The following CPPED1 variants were observed in gnomAD, a reference collection of about 807,000 sequenced individuals.
CPPED1 encodes the protein serine/threonine-protein phosphatase CPPED1.
A neutral mutation model predicts 28.0 loss-of-function variants in CPPED1; 28 were observed. The ratio of observed to expected loss-of-function variants is 1.00; its 90% CI spans 0.74 to 1.37. CPPED1 has a LOEUF of 1.37. Ranked by LOEUF, CPPED1 falls within the 40% of genes most tolerant of loss-of-function variation. CPPED1 has a pLI of 0.00. For synonymous variants in CPPED1, 198 were observed against 180.2 expected (o/e 1.10, Z -0.79); for missense variants, 504 against 416.5 (o/e 1.21, Z -1.83).
chr16:12,674,820 T>C (rs2141168798), intron 3 of CPPED1, among the ~76,000 whole-genome samples: 1 of 152,200 alleles, frequency 6.6e-6, no homozygotes, highest in African/African-American at 2.4e-5. Flanking sequence ...CCTCTGTGAG[T>C]TGGCATTTCC....
intron 2 of CPPED1, among the ~76,000 whole-genome samples, chr16:12,778,889 G>A (rs1162063483): frequency 4.6e-5 from 7 of 152,182 alleles, no homozygotes; most frequent in Non-Finnish European, 1.0e-4. Flanking sequence ...TTCTGCTTGA[G>A]TTGCACTGCA....
chr16:12,752,970 C>G (rs1443542802), intron 2 of CPPED1: 4 of 151,584 alleles, frequency 2.6e-5, no homozygotes, highest in African/African-American at 9.7e-5. Context: ...GCCATAAACT[C>G]CAAACTCTCT....
intron 2 of CPPED1, among the ~76,000 whole-genome samples, chr16:12,721,039 T>G (rs2080137326): frequency 6.6e-6 from 1 of 152,174 alleles, no homozygotes; most frequent in South Asian, 2.1e-4. Flanking sequence ...CACAAAGCTT[T>G]TCTTAGGATT....
At chr16:12,771,084 C>T (rs2080468109) in intron 2 of CPPED1, among the ~76,000 whole-genome samples, 1 of 152,136 alleles carries the variant, frequency 6.6e-6, no homozygotes, top group South Asian at 2.1e-4. Flanking sequence ...ATAAAAAGAT[C>T]CGTATCTACC....
At chr16:12,667,995 A>G (rs1596437409) in intron 3 of CPPED1, among the ~76,000 whole-genome samples, 1 of 152,244 alleles carries the variant, frequency 6.6e-6, no homozygotes, top group East Asian at 1.9e-4. Flanking sequence ...CAGTAAAAAC[A>G]TTATAAAGAA....
At chr16:12,790,786 A>G (rs2080591392) in intron 1 of CPPED1, among the ~76,000 whole-genome samples, 1 of 151,880 alleles carries the variant, frequency 6.6e-6, no homozygotes, top group Admixed American at 6.6e-5. Context: ...AAAATTAGCC[A>G]GGCATGGTGG....
intron 2 of CPPED1, among the ~76,000 whole-genome samples, chr16:12,764,620 T>C (rs1220659979): frequency 1.3e-5 from 2 of 152,202 alleles, no homozygotes; most frequent in African/African-American, 4.8e-5. Flanking sequence ...ATTACAGGCA[T>C]GAGCCACTGC....
chr16:12,786,078 G>A lies in CPPED1; in HGVS notation c.71-4675C>T, dbSNP rs766625115. Among the ~76,000 whole-genome samples the A allele has an allele frequency of 1.5e-4, 23 of 152,206 alleles. 1 individual carries two copies. The highest frequency in any genetic ancestry group is 4.1e-4 in the African/African-American group (17 of 41,446). On this transcript the variant is annotated intron_variant, in intron 1 of 3. Coordinates refer to ENST00000381774, the MANE Select transcript of CPPED1 (RefSeq NM_018340.3). Reference sequence around the variant, plus strand: ...GGAGAACTAGCCTGGCAATGAGCCTGATGAAGAGGGACAAGGTGAGGGTTA... The same window carrying A: ...GGAGAACTAGCCTGGCAATGAGCCTAATGAAGAGGGACAAGGTGAGGGTTA...
intron 3 of CPPED1, among the ~76,000 whole-genome samples, chr16:12,671,292 T>C (rs1453408232): frequency 2.0e-5 from 3 of 152,178 alleles, no homozygotes; most frequent in Non-Finnish European, 4.4e-5. Context: ...ATTCCCTTAG[T>C]TTTTTCCTAA....
At chr16:12,711,749 A>T (rs970221529) in intron 2 of CPPED1, among the ~76,000 whole-genome samples, 5 of 152,152 alleles carry the variant, frequency 3.3e-5, no homozygotes, top group Admixed American at 6.5e-5. Context: ...GCTCTTTATT[A>T]GGGGTGTCCT....
At chr16:12,672,099 A>C (rs560563250) in intron 3 of CPPED1, among the ~76,000 whole-genome samples, 1 of 152,362 alleles carries the variant, frequency 6.6e-6, no homozygotes, top group East Asian at 1.9e-4. Context: ...AGACTACACC[A>C]TCTAGGTTTG....
chr16:12,747,138 A>G (rs2080294520), intron 2 of CPPED1, among the ~76,000 whole-genome samples: 1 of 151,462 alleles, frequency 6.6e-6, no homozygotes, highest in Middle Eastern at 3.4e-3. Flanking sequence ...ACCAATAGAA[A>G]TATCAATAAG....
intron 3 of CPPED1, among the ~76,000 whole-genome samples, chr16:12,697,383 C>T (rs904108187): frequency 0.021 from 108 of 5,038 alleles, no homozygotes; most frequent in African/African-American, 0.014. Context: ...GTCTGCAATC[C>T]ATCACATCCT....
Position 12,789,603 on chromosome 16 carries a change from G to C in CPPED1, c.71-8200C>G, listed in dbSNP as rs1364656318. On this transcript the variant is annotated intron_variant, in intron 1 of 3. Coordinates refer to ENST00000381774, the MANE Select transcript of CPPED1 (RefSeq NM_018340.3). ...TGCAGTGGCATGACCTTGGTTCACT[G>C]CAACTTCCACTTCCCGGGCTCAAGT... 5.3e-5 allele frequency among the ~76,000 whole-genome samples: 8 copies of C among 152,258 alleles called. No individual in the cohort carries two copies. In the East Asian group the frequency reaches 9.7e-4, roughly 18 times the overall value.
rs192282834 is a variant in CPPED1, at chr16:12,664,979, G to A, written c.852C>T (p.Thr284=). 4.7e-4 allele frequency: 764 copies of A among 1,611,182 alleles called. 6 individuals are homozygous for A. The East Asian group carries it at 0.014, about 31-fold the overall frequency. ...DPHGLRVVVV[T]AEKIVHRYYS... Reference sequence around the variant, plus strand: ...AGTATCGGTGAACAATTTTCTCGGCGGTGACCACCACGACTCGGAGCCCGT... The same window carrying A: ...AGTATCGGTGAACAATTTTCTCGGCAGTGACCACCACGACTCGGAGCCCGT... Residue 284 remains threonine (T), a synonymous_variant, in exon 4 of 4, where the codon ACC becomes ACT. Transcript: ENST00000381774. This position sits in a 1 kb window ranked among gnomAD's most constrained non-coding sequence, Gnocchi z 4.2.
rs531381629 is a variant in CPPED1 at position 12,670,795 on chromosome 16, A to G, written c.716-5680T>C. ...TCACAGCCAAGAGGAACCGAAGCAC[A>G]TACGATGACTAAATGTAAATGATCC... On this transcript the variant is annotated intron_variant, in intron 3 of 3. Transcript: ENST00000381774. The surrounding 1 kb of genome is among the most constrained non-coding windows in gnomAD (Gnocchi z 4.2). 6.6e-6 allele frequency among the ~76,000 whole-genome samples: 1 copy of G among 152,326 alleles called. No individual in the cohort carries two copies. The highest frequency in any genetic ancestry group is 2.4e-5 in the African/African-American group (1 of 41,576).
At chr16:12,756,226 G>A (rs986080639) in intron 2 of CPPED1, among the ~76,000 whole-genome samples, 1 of 152,072 alleles carries the variant, frequency 6.6e-6, no homozygotes, top group East Asian at 1.9e-4. Flanking sequence ...GGAAGGACAC[G>A]CTGTCCATAC....
chr16:12,759,718 T>C (rs2080397061), intron 2 of CPPED1, among the ~76,000 whole-genome samples: 1 of 152,172 alleles, frequency 6.6e-6, no homozygotes, highest in Admixed American at 6.5e-5. Context: ...ACCTGATGGT[T>C]TAAAAGTGTT....
chr16:12,728,581 C>T (rs772044522), intron 2 of CPPED1, among the ~76,000 whole-genome samples: 10 of 152,138 alleles, frequency 6.6e-5, no homozygotes, highest in Non-Finnish European at 1.5e-4. Flanking sequence ...CTAGCGATCA[C>T]TCATGAAACT....
Sources: gnomAD v4.1 joint callset for allele counts (sites outside exome capture counted in the v4.1 genomes callset) on GRCh38, gnomAD v4.1.1 for gene constraint, Gnocchi (gnomAD v3.1) non-coding constraint, MANE v1.5 for transcripts, NCBI Gene and HGNC (gene_info 2026-07-23, HGNC 2026-07-21) for gene names.